Variants in LRRTM4 observed in about 807,000 individuals in gnomAD.
LRRTM4 encodes leucine rich repeat transmembrane neuronal 4.
LRRTM4 carries 25 observed loss-of-function variants against 47.6 expected under a neutral mutation model. That is an observed-to-expected ratio of 0.53 (90% CI 0.38 to 0.73). The LOEUF is 0.73. LRRTM4 is among the 30% of genes least tolerant of loss of function. LRRTM4 has a pLI of 0.00. For missense variants in LRRTM4, 638 were observed against 713.4 expected (o/e 0.89, Z 1.20); for synonymous variants, 311 against 269.5 (o/e 1.15, Z -1.51).
chr2:77,190,959 G>T (rs770133694), intron 3 of LRRTM4, among the ~76,000 whole-genome samples: 2 of 152,096 alleles, frequency 1.3e-5, no homozygotes, highest in South Asian at 4.1e-4. Flanking sequence ...AGTTCTCTTT[G>T]TTATGCTACT....
intron 3 of LRRTM4, among the ~76,000 whole-genome samples, chr2:77,036,327 T>C (rs974067460): frequency 6.6e-6 from 1 of 151,822 alleles, no homozygotes; most frequent in Non-Finnish European, 1.5e-5. Context: ...TACAATTTCA[T>C]GGACTAGAGT....
chr2:77,048,688 T>G (rs190099291), intron 3 of LRRTM4, among the ~76,000 whole-genome samples: 1 of 151,838 alleles, frequency 6.6e-6, no homozygotes, highest in Admixed American at 6.6e-5. Flanking sequence ...GTGTGATATT[T>G]TGATACATGC....
At chr2:76,949,298 C>T (rs915192633) in intron 3 of LRRTM4, among the ~76,000 whole-genome samples, 28 of 151,816 alleles carry the variant, frequency 1.8e-4, no homozygotes, top group Non-Finnish European at 3.4e-4. Context: ...ACATGGGATA[C>T]GTGAGGATGA....
intron 3 of LRRTM4, among the ~76,000 whole-genome samples, chr2:77,160,770 A>T (rs1010842511): frequency 2.6e-5 from 4 of 152,142 alleles, no homozygotes; most frequent in Non-Finnish European, 4.4e-5. Flanking sequence ...TTGCTTTGAA[A>T]CTGCCCTCAT....
In LRRTM4 at chr2:77,453,067, ATAT is replaced by A. The variant is rs200214663; in HGVS notation, c.1551+65248_1551+65250del. On this transcript the variant is annotated intron_variant, in intron 3 of 3. Transcript: ENST00000409884. ...CATATAAATACTAAAGTTATTACTG[ATAT>A]TATTTAAATTCTAATATCCATGTTT... 9.5e-3 allele frequency among the ~76,000 whole-genome samples: 1,440 copies of A among 152,062 alleles called. 11 individuals carry two copies. The highest frequency in any genetic ancestry group is 0.014 in the Non-Finnish European group (938 of 67,978).
chr2:76,791,325 G>C, intron 3 of LRRTM4, among the ~76,000 whole-genome samples: 1 of 152,168 alleles, frequency 6.6e-6, no homozygotes, highest in East Asian at 1.9e-4. Context: ...TTTATCTGAA[G>C]ACACTTGCTC....
At chr2:77,049,120 TTTTATATATATATA>T (rs1157421744) in intron 3 of LRRTM4, among the ~76,000 whole-genome samples, 65 of 66,466 alleles carry the variant, frequency 9.8e-4, no homozygotes, top group African/African-American at 5.8e-3. Flanking sequence ...ATATTTCATT[TTTTATATATATATA>T]TATATATATA....
rs200890852 is a variant in LRRTM4 at position 77,188,432 on chromosome 2, A to G, written c.1551+329886T>C. ...ACTCCTAGTTTCATTAATGAAACAT[A>G]TCATTGTTTTCCCTCCTAAATATTT... is the stretch of plus-strand genomic sequence containing the variant. On this transcript the variant is annotated intron_variant, in intron 3 of 3. Transcript: ENST00000409884. Among the ~76,000 whole-genome samples the G allele has an allele frequency of 3.3e-5, 5 of 152,150 alleles. No individual in the cohort carries two copies. In the East Asian group the frequency reaches 9.6e-4, roughly 29 times the overall value.
chr2:77,470,595 A>C (rs1482535678), intron 3 of LRRTM4, among the ~76,000 whole-genome samples: 2 of 152,118 alleles, frequency 1.3e-5, no homozygotes, highest in Non-Finnish European at 2.9e-5. Context: ...AGGTACAAGC[A>C]CAACCTTTGT....
At chr2:77,181,286 C>CT (rs1673340645) in intron 3 of LRRTM4, among the ~76,000 whole-genome samples, 1 of 152,014 alleles carries the variant, frequency 6.6e-6, no homozygotes, top group African/African-American at 2.4e-5. Context: ...AGTTTCATGT[C>CT]TGAGGGTGAA....
intron 3 of LRRTM4, among the ~76,000 whole-genome samples, chr2:76,785,627 A>G (rs1031004105): frequency 6.6e-6 from 1 of 152,150 alleles, no homozygotes; most frequent in Admixed American, 6.5e-5. Context: ...ATAAAAGGCC[A>G]TAAGTAGGGT....
intron 3 of LRRTM4, among the ~76,000 whole-genome samples, chr2:76,773,818 T>TG (rs111762094): frequency 4.6e-4 from 69 of 151,244 alleles, no homozygotes; most frequent in South Asian, 1.7e-3. Flanking sequence ...TTTTTTTTTT[T>TG]ACCATGTAGA....
At chr2:76,795,736 C>A (rs1243809684) in intron 3 of LRRTM4, among the ~76,000 whole-genome samples, 1 of 152,042 alleles carries the variant, frequency 6.6e-6, no homozygotes, top group African/African-American at 2.4e-5. Context: ...TTTGGATACT[C>A]ATTTTATGAG....
chr2:77,463,189 T>C (rs1170897954), intron 3 of LRRTM4, among the ~76,000 whole-genome samples: 1 of 152,066 alleles, frequency 6.6e-6, no homozygotes, highest in African/African-American at 2.4e-5. Flanking sequence ...ACCTGTACAG[T>C]ATGTTACTGT....
rs1217505566 is a variant in LRRTM4 at position 77,123,418 on chromosome 2, T to C, written c.1552-374502A>G. ...CAGAGGAAACCCCAACTGAACTATG[T>C]AGAAAACTAAATGACAATGTTGCTA... On this transcript the variant is annotated intron_variant, in intron 3 of 3. Transcript: ENST00000409884. Among the ~76,000 whole-genome samples, 4 of 152,088 alleles carry C rather than the reference T, an allele frequency of 2.6e-5. 1 individual carries two copies. The highest frequency in any genetic ancestry group is 2.0e-4 in the Admixed American group (3 of 15,242).
intron 3 of LRRTM4, among the ~76,000 whole-genome samples, chr2:77,129,447 A>G (rs1671736851): frequency 6.6e-6 from 1 of 152,204 alleles, no homozygotes; most frequent in South Asian, 2.1e-4. Flanking sequence ...GTCTTGCTGT[A>G]TGATCTTTAC....
At chr2:76,849,514 A>C (rs917097935) in intron 3 of LRRTM4, among the ~76,000 whole-genome samples, 27 of 152,178 alleles carry the variant, frequency 1.8e-4, no homozygotes, top group Admixed American at 1.6e-3. Flanking sequence ...TATATTAAAT[A>C]ACTATAAGAA....
At chr2:77,169,219 G>A (rs948405465) in intron 3 of LRRTM4, among the ~76,000 whole-genome samples, 3 of 152,088 alleles carry the variant, frequency 2.0e-5, no homozygotes, top group African/African-American at 7.2e-5. Flanking sequence ...GGCAGTCCTA[G>A]CCGGAGCAAT....
chr2:77,252,648 G>A (rs1040069721), intron 3 of LRRTM4, among the ~76,000 whole-genome samples: 3 of 152,040 alleles, frequency 2.0e-5, no homozygotes, highest in Admixed American at 2.0e-4. Flanking sequence ...TTTCAACAAA[G>A]TGCAAGCACA....
Sources: allele counts gnomAD v4.1 joint callset (sites outside exome capture counted in the v4.1 genomes callset), GRCh38; gene constraint gnomAD v4.1.1; transcripts MANE v1.5; gene names NCBI Gene and HGNC (gene_info 2026-07-23, HGNC 2026-07-21).